The following EYS variants were observed in gnomAD, a reference collection of about 807,000 sequenced individuals.
EYS encodes the protein protein eyes shut homolog.
A neutral mutation model predicts 282.1 loss-of-function variants in EYS; 250 were observed. The ratio of observed to expected loss-of-function variants is 0.89; its 90% CI spans 0.80 to 0.98. The LOEUF (loss-of-function observed/expected upper bound fraction) is 0.98. Among genes scored for constraint, EYS ranks in the 50% least tolerant of loss-of-function variants. The pLI, the probability that EYS is intolerant of heterozygous loss-of-function variation, is 0.00. For missense variants in EYS, 4,016 were observed against 3,709.0 expected, an observed-to-expected ratio of 1.08 and a Z score of -2.15; for synonymous variants, 1,355 against 1,282.9, an observed-to-expected ratio of 1.06 and a Z score of -1.20.
intron 18 of EYS, among the ~76,000 whole-genome samples, chr6:64,898,485 C>T (rs930385897): frequency 1.3e-5 from 2 of 151,958 alleles, no homozygotes; most frequent in African/African-American, 2.4e-5. Context: ...TGGGTACCAG[C>T]CTCTGCCAAA....
intron 31 of EYS, among the ~76,000 whole-genome samples, chr6:64,083,256 C>T (rs1772037317): frequency 6.6e-6 from 1 of 152,166 alleles, no homozygotes; most frequent in Non-Finnish European, 1.5e-5. Flanking sequence ...TTCTCTGCCA[C>T]TGGACGGAAA....
At chr6:65,316,171 A>G (rs1339345607) in intron 11 of EYS, among the ~76,000 whole-genome samples, 1 of 152,172 alleles carries the variant, frequency 6.6e-6, no homozygotes, top group Non-Finnish European at 1.5e-5. Flanking sequence ...TGTTGCAAAT[A>G]TCTTTTCTCA....
At chr6:65,542,384 G>T (rs1192983244) in intron 2 of EYS, among the ~76,000 whole-genome samples, 2 of 151,734 alleles carry the variant, frequency 1.3e-5, no homozygotes, top group African/African-American at 2.4e-5. Context: ...CCAGTCTATC[G>T]AATTTTAAAA....
At chr6:64,263,048 C>T (rs1922946) in intron 30 of EYS, among the ~76,000 whole-genome samples, 93,898 of 151,278 alleles carry the variant, frequency 0.62, 29,910 homozygotes, top group South Asian at 0.71. Context: ...ATGACCTCTC[C>T]TTGCCTCAGT....
At chr6:65,631,073 G>A (rs539489867) in intron 2 of EYS, among the ~76,000 whole-genome samples, 1 of 152,272 alleles carries the variant, frequency 6.6e-6, no homozygotes, top group African/African-American at 2.4e-5. Flanking sequence ...CTACTTGTTA[G>A]TATTTTCACA....
At chr6:64,520,548 T>C (rs1777703465) in intron 26 of EYS, among the ~76,000 whole-genome samples, 1 of 151,714 alleles carries the variant, frequency 6.6e-6, no homozygotes, top group Admixed American at 6.6e-5. Flanking sequence ...TATTGAGTTG[T>C]ATATAAATAT....
intron 22 of EYS, among the ~76,000 whole-genome samples, chr6:64,702,412 A>C (rs1269754104): frequency 6.6e-6 from 1 of 152,110 alleles, no homozygotes; most frequent in Non-Finnish European, 1.5e-5. Context: ...TGTAAAATAA[A>C]ATTTAAAACT....
chr6:65,558,554 C>G (rs1416791064), intron 2 of EYS, among the ~76,000 whole-genome samples: 5 of 152,214 alleles, frequency 3.3e-5, no homozygotes, highest in Non-Finnish European at 5.9e-5. Context: ...CTGCCAGCTC[C>G]ACAGATTGCA....
At chr6:65,080,925 G>A (rs1033201665) in intron 12 of EYS, among the ~76,000 whole-genome samples, 10 of 152,080 alleles carry the variant, frequency 6.6e-5, no homozygotes, top group African/African-American at 2.2e-4. Flanking sequence ...CTTTATCTAT[G>A]TTTAAAAATA....
intron 5 of EYS, among the ~76,000 whole-genome samples, chr6:65,429,474 G>T (rs1767794533): frequency 6.6e-6 from 1 of 152,104 alleles, no homozygotes; most frequent in South Asian, 2.1e-4. Flanking sequence ...ATTTCTTATA[G>T]CCTTATAGCT....
chr6:64,974,669 C>T (rs1176077986), intron 14 of EYS, among the ~76,000 whole-genome samples: 2 of 151,856 alleles, frequency 1.3e-5, no homozygotes. Flanking sequence ...TATTATATTA[C>T]ACTGTCAATG....
chr6:64,303,751 G>A (rs1769322968), intron 30 of EYS, among the ~76,000 whole-genome samples: 1 of 149,770 alleles, frequency 6.7e-6, no homozygotes, highest in African/African-American at 2.5e-5. Context: ...TGAGGCAGGA[G>A]AATGGCGTGA....
chr6:64,925,611 G>A lies in EYS; in HGVS notation c.2382-12868C>T, dbSNP rs140588024. ...AATGGGCTATGAAGTAGATCTTAAG[G>A]CCAGAAAGTGGTGCTTATAGGTGAG... is the stretch of plus-strand genomic sequence containing the variant. On this transcript the variant is annotated intron_variant, in intron 15 of 42. Transcript: ENST00000503581. Among the ~76,000 whole-genome samples, 61 of 152,240 alleles carry A rather than the reference G, an allele frequency of 4.0e-4. 1 individual carries two copies. The highest frequency in any genetic ancestry group is 1.1e-3 in the African/African-American group (46 of 41,540).
intron 22 of EYS, among the ~76,000 whole-genome samples, chr6:64,686,761 A>ATG (rs1179411692): frequency 0.2 from 3,955 of 19,394 alleles, 990 homozygotes; most frequent in Non-Finnish European, 0.33. Flanking sequence ...ATATATATAT[A>ATG]TGTGTGTATA....
intron 12 of EYS, among the ~76,000 whole-genome samples, chr6:65,235,793 T>A (rs184918275): frequency 3.9e-4 from 60 of 152,304 alleles, no homozygotes; most frequent in African/African-American, 1.4e-3. Context: ...TACTTTGTAA[T>A]AATCATTATT....
intron 30 of EYS, among the ~76,000 whole-genome samples, chr6:64,287,424 T>C (rs1768540058): frequency 6.6e-6 from 1 of 152,190 alleles, no homozygotes; most frequent in African/African-American, 2.4e-5. Flanking sequence ...GTACAAAATA[T>C]ACATATGGTA....
At chr6:65,294,084 A>G (rs1377906110) in intron 12 of EYS, among the ~76,000 whole-genome samples, 1 of 151,712 alleles carries the variant, frequency 6.6e-6, no homozygotes, top group East Asian at 1.9e-4. Context: ...AACCAGGTGG[A>G]AACGGAGAAA....
intron 14 of EYS, among the ~76,000 whole-genome samples, chr6:64,986,060 CT>C (rs1039164831): frequency 2.6e-5 from 4 of 151,374 alleles, no homozygotes; most frequent in African/African-American, 7.3e-5. Context: ...TATCAGATAA[CT>C]TTTTTAAACT....
In EYS at chr6:64,411,010, T is replaced by A. The variant is rs947399844; in HGVS notation, c.5928-22170A>T. Among the ~76,000 whole-genome samples, 24 of 152,274 alleles carry A rather than the reference T, an allele frequency of 1.6e-4. No homozygotes were observed. The East Asian group carries it at 3.3e-3, about 21-fold the overall frequency. ...AGTTTAATCAGCTTTTAAGAAAATG[T>A]GGACTGTTTTAAGTCTTTAGAAGCT... is the stretch of plus-strand genomic sequence containing the variant. On this transcript the variant is annotated intron_variant, in intron 28 of 42. Transcript: ENST00000503581.
Sources: allele counts gnomAD v4.1 joint callset (sites outside exome capture counted in the v4.1 genomes callset), GRCh38; gene constraint gnomAD v4.1.1; transcripts MANE v1.5; gene names NCBI Gene and HGNC (gene_info 2026-07-23, HGNC 2026-07-21).